GTPBP3: variants seen among roughly 807,000 people sequenced by gnomAD.
GTPBP3 encodes the protein 5-taurinomethyluridine-[tRNA] synthase subunit GTPB3, mitochondrial.
Under a neutral mutation model 42.0 loss-of-function variants are expected in GTPBP3, and 35 were observed. That is an observed-to-expected ratio of 0.83 (90% CI 0.64 to 1.10). The LOEUF is 1.10. Among genes scored for constraint, GTPBP3 ranks in the 50% least tolerant of loss-of-function variants. The pLI is 0.00. For synonymous variants in GTPBP3, 332 were observed against 314.9 expected, an observed-to-expected ratio of 1.05 and a Z score of -0.58; for missense variants, 691 against 685.2, an observed-to-expected ratio of 1.01 and a Z score of -0.09.
rs758057930 is a variant in GTPBP3 at position 17,338,990 on chromosome 19, G to T, written c.628G>T (p.Glu210Ter). 6.2e-7 allele frequency: 1 copy of T among 1,613,126 alleles called. No homozygotes were observed. The highest frequency in any genetic ancestry group is 1.7e-5 in the Admixed American group (1 of 59,996). Residue 210 changes from glutamate (E) to a stop codon, truncating the protein, a stop_gained, in exon 5 of 9, where the codon GAG (glutamate) becomes TAG (stop). Transcript: ENST00000324894. LOFTEE classifies it high-confidence loss of function. ...AHVEAYIDFG[E>*]DDNLEEGVLE... ...CGTGGAGGCCTATATCGATTTCGGC[G>T]AGGATGACAACCTGGAGGAGGGGGT...
At position 17,338,618 on chromosome 19, in the gene GTPBP3, C is replaced by T. The variant is rs372721127; in HGVS notation, c.468C>T (p.Thr156=). Reference sequence around the variant, plus strand: ...TCGCCAATGGGAAGCTGAACCTGACCGAAGTGGAGGGGCTGGCGGACCTTA... The same window carrying T: ...TCGCCAATGGGAAGCTGAACCTGACTGAAGTGGAGGGGCTGGCGGACCTTA... The part of the protein sequence containing the change: ...RAFANGKLNL[T]EVEGLADLIH... Residue 156 remains threonine (T), a synonymous_variant, in exon 4 of 9, where the codon ACC becomes ACT. Coordinates refer to ENST00000324894, the MANE Select transcript of GTPBP3 (RefSeq NM_032620.4). 1.2e-6 allele frequency: 2 copies of T among 1,614,050 alleles called. No homozygotes were observed. The highest frequency in any genetic ancestry group is 8.5e-7 in the Non-Finnish European group (1 of 1,179,958).
chr19:17,338,779 C>T, intron 4 of GTPBP3, 38 bp downstream of exon 4: 1 of 1,577,476 alleles, frequency 6.3e-7, no homozygotes, highest in Non-Finnish European at 8.6e-7. Context: ...CCTCAGAGAC[C>T]CCATCTGTGC....
At chr19:17,339,904 G>T (rs1407483776) in intron 7 of GTPBP3, among the ~76,000 whole-genome samples, 2 of 128,610 alleles carry the variant, frequency 1.6e-5, no homozygotes, top group African/African-American at 6.7e-5. Context: ...GAGCGACCAC[G>T]CCGAACTATT....
intron 2 of GTPBP3, 34 bp downstream of exon 2, chr19:17,338,289 T>C (rs1004525139): frequency 3.7e-6 from 6 of 1,603,772 alleles, no homozygotes; most frequent in Non-Finnish European, 5.1e-6. Context: ...CTCCTGTAGG[T>C]CCCATGACTC....
chr19:17,340,854 T>G, intron 7 of GTPBP3, 190 bp from the exon 8 acceptor site: 1 of 326,426 alleles, frequency 3.1e-6, no homozygotes, highest in Non-Finnish European at 5.6e-6. Context: ...CCCCTCTTGC[T>G]CTGCCCCACC....
chr19:17,337,989 G>A lies in GTPBP3; in HGVS notation c.54-19G>A. 6.3e-7 allele frequency: 1 copy of A among 1,594,838 alleles called. No homozygotes were observed. The highest frequency in any genetic ancestry group is 8.5e-7 in the Non-Finnish European group (1 of 1,178,154). ...CTGAGCCTCCCAGGTGCGCTGATTC[G>A]CCTCCCCTCCGGTTCCAGATTGTGC... On this transcript the variant is annotated intron_variant, in intron 1 of 8. Coordinates refer to ENST00000324894, the MANE Select transcript of GTPBP3 (RefSeq NM_032620.4).
intron 7 of GTPBP3, 145 bp from the exon 8 acceptor site, chr19:17,340,899 G>C: frequency 1.4e-5 from 8 of 583,488 alleles, no homozygotes; most frequent in Admixed American, 4.2e-5. Context: ...ACATTCTGCC[G>C]GTCCCCTGGT....
In GTPBP3 at chr19:17,341,528, A is replaced by C. The variant is rs375746371; in HGVS notation, c.1304A>C (p.Gln435Pro). The change falls in exon 9 of 9, where the codon CAG becomes CCG. Residue 435 changes from glutamine to proline, a missense_variant. Physicochemically the swap from Gln to Pro is moderately conservative, Grantham distance 76. Coordinates refer to ENST00000324894, the MANE Select transcript of GTPBP3 (RefSeq NM_032620.4). ...CCGCTGCTGACCCGAGCAAGGCACC[A>C]GCACCACCTCCAGGGTTGCCTGGAT... ...DPPLLTRARH[Q>P]HHLQGCLDAL... 13 of 1,613,630 alleles carry C rather than the reference A, an allele frequency of 8.1e-6. No homozygotes were observed. The highest frequency in any genetic ancestry group is 1.1e-5 in the Non-Finnish European group (13 of 1,179,952).
chr19:17,338,881 G>A (rs1375849461), intron 4 of GTPBP3, 73 bp from the exon 5 acceptor site: 4 of 1,545,414 alleles, frequency 2.6e-6, no homozygotes, highest in Admixed American at 1.9e-5. Flanking sequence ...CCTGAAGTCG[G>A]GCTGGACAAA....
chr19:17,336,586 A>G (rs1042905320), upstream of GTPBP3: 1 of 152,234 alleles, frequency 6.6e-6, no homozygotes, highest in East Asian at 1.9e-4. Context: ...CTATTCTGTC[A>G]GACAGATTTT....
upstream of GTPBP3, chr19:17,335,066 G>T: frequency 6.5e-7 from 1 of 1,536,096 alleles, no homozygotes; most frequent in Non-Finnish European, 8.7e-7. Flanking sequence ...CGGAGCCTCA[G>T]TTTCCCCATC....
At chr19:17,338,805 C>A (rs1053768797) in intron 4 of GTPBP3, 64 bp downstream of exon 4, 24 of 1,543,764 alleles carry the variant, frequency 1.6e-5, no homozygotes, top group Non-Finnish European at 2.1e-5. Context: ...CTGCATGAGA[C>A]CCCCTCTCAA....
intron 1 of GTPBP3, 144 bp from the exon 2 acceptor site, chr19:17,337,864 C>T: frequency 8.0e-7 from 1 of 1,248,994 alleles, no homozygotes; most frequent in Non-Finnish European, 1.1e-6. Context: ...GGTCACCCTT[C>T]GGCCTTCAGA....
intron 3 of GTPBP3, 38 bp downstream of exon 3, chr19:17,338,489 A>C: frequency 6.2e-7 from 1 of 1,613,294 alleles, no homozygotes; most frequent in Non-Finnish European, 8.5e-7. Context: ...TGGTCCTCCC[A>C]ATGGGCCTGG....
upstream of GTPBP3, chr19:17,335,238 T>C (rs1271172885): frequency 2.1e-6 from 3 of 1,436,348 alleles, no homozygotes; most frequent in Non-Finnish European, 2.8e-6. Flanking sequence ...AAGCCCTGCT[T>C]AGGAACTTTG....
At chr19:17,337,507 A>G, upstream of GTPBP3, 1 of 1,267,988 alleles carries the variant, frequency 7.9e-7, no homozygotes. Context: ...GTGGTCGAGA[A>G]TAGTTGAGCA....
rs759514120 is a variant in GTPBP3 at position 17,339,078 on chromosome 19, G to A, written c.665-45G>A. On this transcript the variant is annotated intron_variant, in intron 5 of 8. Coordinates refer to ENST00000324894, the MANE Select transcript of GTPBP3 (RefSeq NM_032620.4). ...AAGACACCTCATATCAGCCCTCAAA[G>A]GCTCCCCTCACTGTCTCTCTCTGCC... The A allele has an allele frequency of 2.5e-6, 4 of 1,614,166 alleles. No individual in the cohort carries two copies. The East Asian group carries it at 8.9e-5, about 36-fold the overall frequency.
rs1224174744 is a variant in GTPBP3 at position 17,338,617 on chromosome 19, C to T, written c.467C>T (p.Thr156Ile). Residue 156 changes from threonine (T) to isoleucine (I), a missense_variant, in exon 4 of 9, where the codon ACC (threonine) becomes ATC (isoleucine). Thr to Ile is a moderately conservative substitution (Grantham distance 89). Transcript: ENST00000324894. The stretch of plus-strand genomic sequence containing the variant: ...TTCGCCAATGGGAAGCTGAACCTGA[C>T]CGAAGTGGAGGGGCTGGCGGACCTT... ...RAFANGKLNL[T>I]EVEGLADLIH... 1 of 1,614,072 alleles carries T rather than the reference C, an allele frequency of 6.2e-7. No individual in the cohort carries two copies. The highest frequency in any genetic ancestry group is 8.5e-7 in the Non-Finnish European group (1 of 1,179,968).
rs762680174 is a variant in GTPBP3, at chr19:17,341,224, T to C, written c.1155T>C (p.Gly385=). Reference sequence around the variant, plus strand: ...ACCTGCTGTCCCCGGAGGGCCCAGGTCCCGGTCCTGACCTGCCCCCGCACC... The same window carrying C: ...ACCTGCTGTCCCCGGAGGGCCCAGGCCCCGGTCCTGACCTGCCCCCGCACC... The part of the protein sequence containing the change: ...KSDLLSPEGP[G]PGPDLPPHLL... Residue 385 remains glycine (G), a synonymous_variant, in exon 8 of 9, where the codon GGT becomes GGC. Transcript: ENST00000324894. The C allele has an allele frequency of 3.1e-6, 5 of 1,608,184 alleles. No homozygotes were observed. In the Admixed American group the frequency reaches 8.3e-5, roughly 27 times the overall value.
Sources: gnomAD v4.1 joint callset for allele counts (sites outside exome capture counted in the v4.1 genomes callset) on GRCh38, gnomAD v4.1.1 for gene constraint, MANE v1.5 for transcripts, NCBI Gene and HGNC (gene_info 2026-07-23, HGNC 2026-07-21) for gene names.